The following PRDM2 variants were observed in gnomAD, a reference collection of about 807,000 sequenced individuals.
PRDM2 encodes PR domain zinc finger protein 2.
In PRDM2, 30 loss-of-function variants were observed where a neutral mutation model predicts 130.0. The ratio of observed to expected loss-of-function variants is 0.23; its 90% CI spans 0.17 to 0.31. The LOEUF is 0.31. Ranked by LOEUF, PRDM2 falls within the 10% of genes least tolerant of loss-of-function variation. The probability of loss-of-function intolerance (pLI) is 1.00; values close to 1 mark genes in which losing one functional copy is unlikely to be tolerated. For synonymous variants in PRDM2, 871 were observed against 782.4 expected (o/e 1.11, Z -1.89); for missense variants, 2,011 against 2,108.4 (o/e 0.95, Z 0.90).
At chr1:13,800,557 A>C (rs1477662639) in intron 8 of PRDM2, among the ~76,000 whole-genome samples, 1 of 152,168 alleles carries the variant, frequency 6.6e-6, no homozygotes, top group African/African-American at 2.4e-5. Flanking sequence ...AATCAAGGGA[A>C]CGGCACCAGG....
rs111401253 is a variant in PRDM2 at position 13,822,932 on chromosome 1, G to A, written c.*24-227G>A. 2.6e-5 allele frequency among the ~76,000 whole-genome samples: 4 copies of A among 152,270 alleles called. No homozygotes were observed. In the East Asian group the frequency reaches 5.8e-4, roughly 22 times the overall value. ...GTTCATGTATCCTTAAAGGGGTCAC[G>A]GGTCAGGGGCTGATGGGCGGCTGTC... is the stretch of plus-strand genomic sequence containing the variant. On this transcript the variant is annotated intron_variant, in intron 9 of 9. Transcript: ENST00000311066.
At position 13,784,778 on chromosome 1, in the gene PRDM2, A is replaced by G. The variant is rs548773388; in HGVS notation, c.5036+1947A>G. Among the ~76,000 whole-genome samples, 178 of 152,322 alleles carry G rather than the reference A, an allele frequency of 1.2e-3. 3 individuals carry two copies. In the South Asian group the frequency reaches 0.036, roughly 31 times the overall value. On this transcript the variant is annotated intron_variant, in intron 8 of 9. Coordinates refer to ENST00000311066, the MANE Select transcript of PRDM2 (RefSeq NM_001393986.1). ...AAGAATCAGATAAGAAAACACTGGT[A>G]TTGTCCTAACCGTAGATGGTAATGA...
chr1:13,746,324 A>T (rs1643604071), intron 5 of PRDM2, among the ~76,000 whole-genome samples: 1 of 151,740 alleles, frequency 6.6e-6, no homozygotes. Context: ...TGACTTAAAA[A>T]TGCTAACCAG....
rs776913997 is a variant in PRDM2, at chr1:13,781,194, C to G, written c.3399C>G (p.Asn1133Lys). The change falls in exon 8 of 10, where the codon AAC (asparagine) becomes AAG (lysine). Residue 1133 changes from asparagine to lysine, a missense_variant. Physicochemically the swap from Asn to Lys is moderately conservative, Grantham distance 94 (BLOSUM62 0). Around this residue, in one of 5 missense-constraint regions of PRDM2, gnomAD observed 229 missense variants for 364.1 expected, o/e 0.63. Coordinates refer to ENST00000311066, the MANE Select transcript of PRDM2 (RefSeq NM_001393986.1). The surrounding 1 kb of genome is among the most constrained non-coding windows in gnomAD (Gnocchi z 6.1). ...TTGTTCAGGAAACATTCAACAAAAA[C>G]TTTGTTTGCAACGTCTGTGAATCAC... ...DVVVQETFNK[N>K]FVCNVCESPF... 1 of 1,614,180 alleles carries G rather than the reference C, an allele frequency of 6.2e-7. No individual in the cohort carries two copies. Among genetic ancestry groups the G allele is most frequent in the East Asian group, 2.2e-5 (1 of 44,882 alleles).
rs1014507009 is a variant in PRDM2 at position 13,771,977 on chromosome 1, C to T, written c.512-1101C>T. ...TACATTTTTAGCTAATTATGCTTCC[C>T]GGTAGTGATTCTCTGTTATGGAGTA... On this transcript the variant is annotated intron_variant, in intron 6 of 9. Transcript: ENST00000311066. The surrounding 1 kb of genome is among the most constrained non-coding windows in gnomAD (Gnocchi z 4.1). The T allele has an allele frequency of 2.0e-5, 3 of 152,206 alleles. No individual in the cohort carries two copies. The highest frequency in any genetic ancestry group is 2.1e-4 in the South Asian group (1 of 4,820). The allele number at this position is 152,206 out of a possible 1,614,324, so 9.4% of individuals were successfully genotyped here.
intron 8 of PRDM2, among the ~76,000 whole-genome samples, chr1:13,812,893 G>C (rs2100759644): frequency 6.6e-6 from 1 of 152,264 alleles, no homozygotes; most frequent in Admixed American, 6.5e-5. Context: ...TGGCAGGCTG[G>C]CAGGGACTGT....
At chr1:13,732,995 G>A (rs1643156835) in intron 4 of PRDM2, 113 bp downstream of exon 4, 2 of 755,882 alleles carry the variant, frequency 2.6e-6, no homozygotes, top group Non-Finnish European at 4.2e-6. Context: ...GTTCTTTAAA[G>A]TCAAGAATAT....
intron 6 of PRDM2, among the ~76,000 whole-genome samples, chr1:13,757,928 C>T (rs1014439232): frequency 6.6e-6 from 1 of 151,932 alleles, no homozygotes; most frequent in African/African-American, 2.4e-5. Flanking sequence ...TTAAAGAAGA[C>T]CAGAAGGTGA....
At chr1:13,759,552 C>T (rs1037681316) in intron 6 of PRDM2, among the ~76,000 whole-genome samples, 1 of 152,056 alleles carries the variant, frequency 6.6e-6, no homozygotes, top group Non-Finnish European at 1.5e-5. Flanking sequence ...AGATTACTGG[C>T]CATAAGCAGA....
chr1:13,704,549 G>A (rs1642152472), intron 1 of PRDM2, among the ~76,000 whole-genome samples: 1 of 152,174 alleles, frequency 6.6e-6, no homozygotes, highest in African/African-American at 2.4e-5. Flanking sequence ...GTTTTGCTTT[G>A]AAAGAGCTGA....
chr1:13,749,650 G>A lies in PRDM2; in HGVS notation c.511+163G>A, dbSNP rs1198258503. ...CCTTTTCCGGACTCGGCCCTGCCCC[G>A]GCCCCGCTCCCGCCCTGCGGTCCCG... On this transcript the variant is annotated intron_variant, in intron 6 of 9. Coordinates refer to ENST00000311066, the MANE Select transcript of PRDM2 (RefSeq NM_001393986.1). Among the ~76,000 whole-genome samples, 6 of 151,056 alleles carry A rather than the reference G, an allele frequency of 4.0e-5. No homozygotes were observed. The East Asian group carries it at 1.2e-3, about 30-fold the overall frequency.
At chr1:13,732,223 A>T (rs1643133887) in intron 3 of PRDM2, among the ~76,000 whole-genome samples, 1 of 152,210 alleles carries the variant, frequency 6.6e-6, no homozygotes, top group South Asian at 2.1e-4. Context: ...AGAAACTCTG[A>T]AAAGTGAGCC....
chr1:13,768,609 C>T (rs1644288833), intron 6 of PRDM2, among the ~76,000 whole-genome samples: 1 of 152,114 alleles, frequency 6.6e-6, no homozygotes, highest in Admixed American at 6.5e-5. Context: ...GTCTCGAACT[C>T]CTAACCTCAG....
At chr1:13,754,076 G>A (rs1209866079) in intron 6 of PRDM2, among the ~76,000 whole-genome samples, 1 of 152,134 alleles carries the variant, frequency 6.6e-6, no homozygotes, top group African/African-American at 2.4e-5. Flanking sequence ...GAGATCAGGG[G>A]TGACCATTCT....
rs189247721 is a variant in PRDM2, at chr1:13,803,869, T to C, written c.5037-12558T>C. ...CCTCTGAGGACCTCAGAACCTGGCT[T>C]AGAAGCTCCACAAAGCAGGGGCGTG... On this transcript the variant is annotated intron_variant, in intron 8 of 9. Transcript: ENST00000311066. The surrounding 1 kb of genome is among the most constrained non-coding windows in gnomAD (Gnocchi z 6.2). Among the ~76,000 whole-genome samples, 48 of 152,214 alleles carry C rather than the reference T, an allele frequency of 3.2e-4. No homozygotes were observed. The highest frequency in any genetic ancestry group is 1.1e-3 in the African/African-American group (46 of 41,540).
intron 4 of PRDM2, 115 bp from the exon 5 acceptor site, chr1:13,741,890 T>G: frequency 1.2e-6 from 1 of 805,286 alleles, no homozygotes; most frequent in Non-Finnish European, 2.0e-6. Context: ...ATGAAATGCT[T>G]TATATAGAGT....
intron 6 of PRDM2, among the ~76,000 whole-genome samples, chr1:13,751,504 T>C (rs769248816): frequency 6.6e-6 from 1 of 152,006 alleles, no homozygotes; most frequent in Non-Finnish European, 1.5e-5. Context: ...ATTTATAGCT[T>C]GCAAAGACCT....
At chr1:13,801,345 G>A (rs1022217763) in intron 8 of PRDM2, among the ~76,000 whole-genome samples, 1 of 152,252 alleles carries the variant, frequency 6.6e-6, no homozygotes, top group African/African-American at 2.4e-5. Flanking sequence ...CTGGCAGAGT[G>A]AGCGGTCAGT....
At chr1:13,762,672 C>G (rs1313564154) in intron 6 of PRDM2, among the ~76,000 whole-genome samples, 1 of 152,154 alleles carries the variant, frequency 6.6e-6, no homozygotes, top group South Asian at 2.1e-4. Context: ...TGGGATAATC[C>G]TTGGAGACCA....
Sources: allele counts gnomAD v4.1 joint callset (sites outside exome capture counted in the v4.1 genomes callset), GRCh38; gene constraint gnomAD v4.1.1; regional missense constraint gnomAD v4.1.1; non-coding constraint Gnocchi (gnomAD v3.1); transcripts MANE v1.5; gene names NCBI Gene and HGNC (gene_info 2026-07-23, HGNC 2026-07-21).